SIK3: variants seen among roughly 807,000 people sequenced by gnomAD.
The protein encoded by SIK3 is serine/threonine-protein kinase SIK3.
SIK3 carries 28 observed loss-of-function variants against 144.2 expected under a neutral mutation model. The observed-to-expected ratio is 0.19, with a 90% CI of 0.14 to 0.27. SIK3 has a LOEUF of 0.27. SIK3 is among the 10% of genes least tolerant of loss of function. SIK3 has a pLI of 1.00. For missense variants in SIK3, 1,319 were observed against 1,776.0 expected (o/e 0.74, Z 4.62); for synonymous variants, 686 against 676.3 (o/e 1.01, Z -0.22).
Position 116,858,398 on chromosome 11 carries a change from G to A in SIK3, c.3067C>T (p.Pro1023Ser). 1 of 1,613,438 alleles carries A rather than the reference G, an allele frequency of 6.2e-7. No homozygotes were observed. The highest frequency in any genetic ancestry group is 8.5e-7 in the Non-Finnish European group (1 of 1,179,666). The change falls in exon 21 of 25, where the codon CCC becomes TCC. Residue 1023 changes from proline to serine, a missense_variant. Physicochemically the swap from Pro to Ser is moderately conservative, Grantham distance 74. This residue lies in a region of SIK3 where 646 missense variants were observed against 763.7 expected (regional missense o/e 0.85). Coordinates refer to ENST00000445177, the MANE Select transcript of SIK3 (RefSeq NM_001366686.3). The surrounding 1 kb of genome is among the most constrained non-coding windows in gnomAD (Gnocchi z 5.4). ...GAGTGGCCGGTGAGCGAATGCCGGGGAGAAAGCAGTCCTTGAAGGATGTGG... is the reference window on the plus strand; with the variant it reads ...GAGTGGCCGGTGAGCGAATGCCGGGAAGAAAGCAGTCCTTGAAGGATGTGG... Reference protein sequence around the residue: ...VPHILQGLLSPRHSLTGHSDI... With the variant: ...VPHILQGLLSSRHSLTGHSDI...
intron 3 of SIK3, among the ~76,000 whole-genome samples, chr11:116,937,690 A>G (rs1391960321): frequency 6.6e-6 from 1 of 152,240 alleles, no homozygotes; most frequent in East Asian, 1.9e-4. Context: ...AATTTTCAAC[A>G]TAAGGGAAAA....
At chr11:116,864,782 G>C (rs115255257) in intron 15 of SIK3, 19 of 152,374 alleles carry the variant, frequency 1.2e-4, no homozygotes, top group African/African-American at 4.1e-4. Flanking sequence ...TGGATGAAAT[G>C]ATGTGCTACC....
At chr11:116,940,875 T>A (rs1452230272) in intron 3 of SIK3, among the ~76,000 whole-genome samples, 3 of 151,782 alleles carry the variant, frequency 2.0e-5, no homozygotes, top group Admixed American at 6.6e-5. Context: ...TAATAATAAA[T>A]GGGAAATTAA....
Position 117,035,049 on chromosome 11 carries a change from T to C in SIK3, c.273+63094A>G, listed in dbSNP as rs988516463. 2.0e-4 allele frequency among the ~76,000 whole-genome samples: 30 copies of C among 152,358 alleles called. 1 individual carries two copies. The highest frequency in any genetic ancestry group is 1.8e-3 in the Admixed American group (27 of 15,300). On this transcript the variant is annotated intron_variant, in intron 1 of 24. Coordinates refer to ENST00000445177, the MANE Select transcript of SIK3 (RefSeq NM_001366686.3). Reference sequence around the variant, plus strand: ...GAACTTTTTTATCTGAGTAATATTTTATTGTATGAATATACCACCATTTAT... The same window carrying C: ...GAACTTTTTTATCTGAGTAATATTTCATTGTATGAATATACCACCATTTAT...
chr11:117,092,181 G>GA (rs1251052368), intron 1 of SIK3, among the ~76,000 whole-genome samples: 2 of 152,028 alleles, frequency 1.3e-5, no homozygotes, highest in Non-Finnish European at 2.9e-5. Context: ...ATGGCCATAA[G>GA]ACCCAGATGA....
chr11:116,847,156 C>A (rs1476027337), intron 23 of SIK3, among the ~76,000 whole-genome samples: 1 of 152,204 alleles, frequency 6.6e-6, no homozygotes, highest in Non-Finnish European at 1.5e-5. Flanking sequence ...CCTTGACTGG[C>A]TCCAAGAAGA....
intron 4 of SIK3, among the ~76,000 whole-genome samples, chr11:116,906,487 G>C (rs934453891): frequency 6.6e-6 from 1 of 152,096 alleles, no homozygotes; most frequent in African/African-American, 2.4e-5. Context: ...GAGAATTAAG[G>C]CTTCGAAAAC....
intron 1 of SIK3, among the ~76,000 whole-genome samples, chr11:117,002,691 A>C (rs1950897881): frequency 6.6e-6 from 1 of 152,252 alleles, no homozygotes; most frequent in East Asian, 1.9e-4. Context: ...ATTTTAACTT[A>C]AAACAGTATG....
chr11:117,010,945 T>G (rs766610317), intron 1 of SIK3, among the ~76,000 whole-genome samples: 2 of 151,920 alleles, frequency 1.3e-5, no homozygotes, highest in Non-Finnish European at 2.9e-5. Flanking sequence ...CATGGACAGA[T>G]CCTGTCTCTC....
rs894600206 is a variant in SIK3 at position 116,846,608 on chromosome 11, G to T, written c.3953-55C>A. 5.0e-6 allele frequency: 8 copies of T among 1,602,156 alleles called. No homozygotes were observed. Among genetic ancestry groups the T allele is most frequent in the Non-Finnish European group, 6.8e-6 (8 of 1,171,228 alleles). On this transcript the variant is annotated intron_variant, in intron 23 of 24. Coordinates refer to ENST00000445177, the MANE Select transcript of SIK3 (RefSeq NM_001366686.3). This position sits in a 1 kb window ranked among gnomAD's most constrained non-coding sequence, Gnocchi z 4.1. ...GGCAGGGAACTGGGGGACTAGGAGA[G>T]CAAGGGGGAGAGAGAGGAGGAATTG...
intron 4 of SIK3, among the ~76,000 whole-genome samples, chr11:116,903,537 A>G (rs1007678493): frequency 6.6e-6 from 1 of 152,234 alleles, no homozygotes; most frequent in East Asian, 1.9e-4. Flanking sequence ...AGAATGAGGA[A>G]GAATTCTCAC....
chr11:116,938,228 GGGAGGGGAGGGGAAGGGAGA>G (rs2135237320), intron 3 of SIK3, among the ~76,000 whole-genome samples: 3 of 114,128 alleles, frequency 2.6e-5, no homozygotes, highest in East Asian at 2.5e-4. Context: ...GGGAGGGGAG[GGGAGGGGAGGGGAAGGGAGA>G]AGAGGGGAGA....
Position 116,846,715 on chromosome 11 carries a change from C to T in SIK3, c.3953-162G>A, listed in dbSNP as rs539024261. Among the ~76,000 whole-genome samples, 64 of 152,178 alleles carry T rather than the reference C, an allele frequency of 4.2e-4. No homozygotes were observed. Among genetic ancestry groups the T allele is most frequent in the Non-Finnish European group, 1.8e-4 (12 of 68,034 alleles). On this transcript the variant is annotated intron_variant, in intron 23 of 24. Coordinates refer to ENST00000445177, the MANE Select transcript of SIK3 (RefSeq NM_001366686.3). This position sits in a 1 kb window ranked among gnomAD's most constrained non-coding sequence, Gnocchi z 4.1. ...AGCAGGCCCTCAAGGTGTTGAGTGA[C>T]GATGGGCGGGGGCCAAGATTCTTCC...
intron 4 of SIK3, among the ~76,000 whole-genome samples, chr11:116,904,097 T>C (rs1271728747): frequency 6.6e-6 from 1 of 152,216 alleles, no homozygotes. Context: ...CATGTATTTA[T>C]GGAACTCTTC....
At chr11:116,979,841 C>CT (rs552946645) in intron 1 of SIK3, among the ~76,000 whole-genome samples, 53 of 152,068 alleles carry the variant, frequency 3.5e-4, no homozygotes, top group African/African-American at 1.2e-3. Context: ...AGCAAGACTC[C>CT]ATCTCCAACA....
chr11:116,890,625 T>C (rs561690656), intron 6 of SIK3, among the ~76,000 whole-genome samples: 29 of 152,350 alleles, frequency 1.9e-4, no homozygotes, highest in African/African-American at 7.0e-4. Flanking sequence ...ATATAAAGCT[T>C]GGTAAGCACC....
At chr11:117,074,155 A>C (rs1954400444) in intron 1 of SIK3, among the ~76,000 whole-genome samples, 2 of 152,226 alleles carry the variant, frequency 1.3e-5, no homozygotes, top group South Asian at 4.1e-4. Context: ...CTGTACTCCA[A>C]GATGGCAATC....
chr11:116,862,117 G>T, intron 17 of SIK3, 85 bp downstream of exon 17: 1 of 1,587,336 alleles, frequency 6.3e-7, no homozygotes, highest in South Asian at 1.1e-5. Context: ...ACTTTGCACT[G>T]AGTGGTCTCC....
Position 116,858,642 on chromosome 11 carries a change from A to C in SIK3, c.2823T>G (p.His941Gln). The change falls in exon 21 of 25, where the codon CAT (histidine) becomes CAG (glutamine). Residue 941 changes from histidine to glutamine, a missense_variant. Physicochemically the swap from His to Gln is conservative, Grantham distance 24. This residue lies in a region of SIK3 where 646 missense variants were observed against 763.7 expected (regional missense o/e 0.85). Coordinates refer to ENST00000445177, the MANE Select transcript of SIK3 (RefSeq NM_001366686.3). This position sits in a 1 kb window ranked among gnomAD's most constrained non-coding sequence, Gnocchi z 5.4. ...AACCCCGGGACTGGTCCGAAAACAGATGGGGGTGTAAATGCGCCTGGTCGT... is the reference window on the plus strand; with the variant it reads ...AACCCCGGGACTGGTCCGAAAACAGCTGGGGGTGTAAATGCGCCTGGTCGT... ...ANYDQAHLHP[H>Q]LFSDQSRGSP... The C allele has an allele frequency of 6.3e-7, 1 of 1,590,496 alleles. No individual in the cohort carries two copies. Among genetic ancestry groups the C allele is most frequent in the Non-Finnish European group, 8.6e-7 (1 of 1,168,216 alleles).
Sources: allele counts gnomAD v4.1 joint callset (sites outside exome capture counted in the v4.1 genomes callset), GRCh38; gene constraint gnomAD v4.1.1; regional missense constraint gnomAD v4.1.1; non-coding constraint Gnocchi (gnomAD v3.1); transcripts MANE v1.5; gene names NCBI Gene and HGNC (gene_info 2026-07-23, HGNC 2026-07-21).